SGMS1: variants seen among roughly 807,000 people sequenced by gnomAD.
SGMS1 encodes the protein phosphatidylcholine:ceramide cholinephosphotransferase 1.
Under a neutral mutation model 46.2 loss-of-function variants are expected in SGMS1, and 13 were observed. The ratio of observed to expected loss-of-function variants is 0.28; its 90% confidence interval spans 0.18 to 0.45. The LOEUF (loss-of-function observed/expected upper bound fraction) is 0.45, where lower values mean the gene tolerates loss of function less well. SGMS1 is among the 20% of genes least tolerant of loss of function. The pLI, the probability that SGMS1 is intolerant of heterozygous loss-of-function variation, is 1.00. For synonymous variants in SGMS1, 203 were observed against 187.8 expected, an observed-to-expected ratio of 1.08 and a Z score of -0.66; for missense variants, 324 against 519.9, an observed-to-expected ratio of 0.62 and a Z score of 3.66.
At chr10:50,560,348 A>C (rs10826180) in intron 2 of SGMS1, among the ~76,000 whole-genome samples, 29,162 of 137,158 alleles carry the variant, frequency 0.21, 3,768 homozygotes, top group East Asian at 0.64. Context: ...ATTATTAATA[A>C]TATATATTAT....
chr10:50,529,568 C>CT (rs1324373212), intron 2 of SGMS1, among the ~76,000 whole-genome samples: 1 of 152,160 alleles, frequency 6.6e-6, no homozygotes, highest in East Asian at 1.9e-4. Flanking sequence ...ATTTTCTGAA[C>CT]TTTTTTTGAA....
intron 7 of SGMS1, among the ~76,000 whole-genome samples, chr10:50,327,769 A>C (rs1034656885): frequency 6.6e-6 from 1 of 152,232 alleles, no homozygotes; most frequent in Non-Finnish European, 1.5e-5. Flanking sequence ...TAATGAGTCA[A>C]AGACATTAAA....
chr10:50,566,815 A>G (rs1228576285), intron 2 of SGMS1, among the ~76,000 whole-genome samples: 2 of 152,358 alleles, frequency 1.3e-5, no homozygotes, highest in East Asian at 3.9e-4. Context: ...AAGCATTTGC[A>G]TATAACCTAT....
intron 1 of SGMS1, among the ~76,000 whole-genome samples, chr10:50,622,484 C>T (rs1838862954): frequency 6.6e-6 from 1 of 152,216 alleles, no homozygotes; most frequent in African/African-American, 2.4e-5. Flanking sequence ...AGGGAGCCAA[C>T]TAGAAACATC....
rs376910347 is a variant in SGMS1 at position 50,367,855 on chromosome 10, C to A, written c.-231-23510G>T. ...AAAGTTTGGCTCCCTAGAGGATAAT[C>A]CTTATCCATGAAGTAGGTCACCACT... On this transcript the variant is annotated intron_variant, in intron 6 of 10. Transcript: ENST00000361781. 7.9e-5 allele frequency among the ~76,000 whole-genome samples: 12 copies of A among 152,264 alleles called. No individual in the cohort carries two copies. The South Asian group carries it at 1.0e-3, about 13-fold the overall frequency.
intron 3 of SGMS1, among the ~76,000 whole-genome samples, chr10:50,488,302 A>T (rs1486015052): frequency 1.3e-5 from 2 of 152,144 alleles, no homozygotes; most frequent in African/African-American, 4.8e-5. Context: ...GTTGTGAGCC[A>T]CTGCACTCGG....
chr10:50,541,141 T>G (rs531039474), intron 2 of SGMS1, among the ~76,000 whole-genome samples: 11 of 152,314 alleles, frequency 7.2e-5, no homozygotes, highest in African/African-American at 2.6e-4. Flanking sequence ...TGTGGGGGTT[T>G]CAGGCACAGA....
chr10:50,434,049 C>G (rs1429692323), intron 5 of SGMS1, among the ~76,000 whole-genome samples: 1 of 152,320 alleles, frequency 6.6e-6, no homozygotes, highest in African/African-American at 2.4e-5. Flanking sequence ...TATACCAGAA[C>G]TATGGACACC....
chr10:50,350,028 T>C (rs1303393301), intron 6 of SGMS1, among the ~76,000 whole-genome samples: 1 of 152,202 alleles, frequency 6.6e-6, no homozygotes. Flanking sequence ...GTGGGAAAGT[T>C]TGGAACTTCC....
chr10:50,622,822 G>A (rs1334674332), intron 1 of SGMS1, among the ~76,000 whole-genome samples: 1 of 152,254 alleles, frequency 6.6e-6, no homozygotes, highest in Admixed American at 6.5e-5. Context: ...CTGGACTAGG[G>A]CACTCTATCC....
chr10:50,522,648 G>C (rs1190992210), intron 2 of SGMS1, among the ~76,000 whole-genome samples: 3 of 152,080 alleles, frequency 2.0e-5, no homozygotes, highest in Non-Finnish European at 2.9e-5. Flanking sequence ...GTTAAGATGA[G>C]TCTATTTCAC....
At chr10:50,619,688 C>T (rs1186081073) in intron 1 of SGMS1, among the ~76,000 whole-genome samples, 1 of 152,204 alleles carries the variant, frequency 6.6e-6, no homozygotes, top group Non-Finnish European at 1.5e-5. Context: ...TTATCTAAAT[C>T]TCCACTCACC....
intron 6 of SGMS1, among the ~76,000 whole-genome samples, chr10:50,400,321 A>AT (rs1315626258): frequency 6.7e-6 from 1 of 149,778 alleles, no homozygotes; most frequent in East Asian, 2.0e-4. Flanking sequence ...CAAATTGAGG[A>AT]TAACAATAGC....
chr10:50,600,732 GA>G (rs1838642210), intron 1 of SGMS1, among the ~76,000 whole-genome samples: 1 of 152,172 alleles, frequency 6.6e-6, no homozygotes, highest in Non-Finnish European at 1.5e-5. Context: ...TAACCTTTTT[GA>G]GAGTCTTCTA....
intron 2 of SGMS1, among the ~76,000 whole-genome samples, chr10:50,547,538 G>A (rs1838111884): frequency 6.6e-6 from 1 of 152,150 alleles, no homozygotes; most frequent in Non-Finnish European, 1.5e-5. Context: ...TTCTGAAATT[G>A]AGGCAGTAAT....
At chr10:50,467,537 C>G (rs1034934614) in intron 3 of SGMS1, among the ~76,000 whole-genome samples, 2 of 152,070 alleles carry the variant, frequency 1.3e-5, no homozygotes, top group Admixed American at 1.3e-4. Context: ...AAAATATACA[C>G]ATGAATTAGG....
intron 1 of SGMS1, among the ~76,000 whole-genome samples, chr10:50,614,889 T>A (rs932331274): frequency 4.6e-5 from 7 of 152,184 alleles, no homozygotes; most frequent in Admixed American, 4.6e-4. Flanking sequence ...CTCTTTGTCC[T>A]CAAAAAAGGT....
chr10:50,430,723 G>A (rs532717805), intron 6 of SGMS1, among the ~76,000 whole-genome samples: 1 of 152,054 alleles, frequency 6.6e-6, no homozygotes, highest in South Asian at 2.1e-4. Flanking sequence ...TTTCTCTTCT[G>A]TTTTCTGAGT....
chr10:50,467,416 C>A (rs1281278252), intron 3 of SGMS1, among the ~76,000 whole-genome samples: 2 of 114,540 alleles, frequency 1.7e-5, no homozygotes, highest in African/African-American at 6.7e-5. Context: ...TATGATCAAA[C>A]AGCTTATAAA....
Sources: gnomAD v4.1 joint callset for allele counts (sites outside exome capture counted in the v4.1 genomes callset) on GRCh38, gnomAD v4.1.1 for gene constraint, MANE v1.5 for transcripts, NCBI Gene and HGNC (gene_info 2026-07-23, HGNC 2026-07-21) for gene names.